HMCN2: variants seen among roughly 807,000 people sequenced by gnomAD.
HMCN2 encodes hemicentin-2.
Under a neutral mutation model 377.5 loss-of-function variants are expected in HMCN2, and 325 were observed. That is an observed-to-expected ratio of 0.86 (90% CI 0.79 to 0.94). The LOEUF is 0.94. Ranked by LOEUF, HMCN2 falls within the 40% of genes least tolerant of loss-of-function variation. The pLI is 0.00. For synonymous variants in HMCN2, 2,007 were observed against 2,046.8 expected, an observed-to-expected ratio of 0.98 and a Z score of 0.53; for missense variants, 4,543 against 4,725.3, an observed-to-expected ratio of 0.96 and a Z score of 1.13.
At chr9:130,367,585 G>C (rs555788214) in intron 43 of HMCN2, among the ~76,000 whole-genome samples, 1 of 152,204 alleles carries the variant, frequency 6.6e-6, no homozygotes, top group South Asian at 2.1e-4. Context: ...TAAGTGGATG[G>C]TCGTTCCTTC....
intron 22 of HMCN2, among the ~76,000 whole-genome samples, 181 bp downstream of exon 22, chr9:130,327,656 A>G (rs1301454510): frequency 1.3e-5 from 2 of 152,196 alleles, no homozygotes; most frequent in Non-Finnish European, 2.9e-5. Flanking sequence ...AGGGGCCTCT[A>G]GAGGGTGCCT....
Position 130,369,170 on chromosome 9 carries a change from C to T in HMCN2, c.6788-400C>T, listed in dbSNP as rs1022557059. Among the ~76,000 whole-genome samples, 3 of 152,150 alleles carry T rather than the reference C, an allele frequency of 2.0e-5. No homozygotes were observed. Among genetic ancestry groups the T allele is most frequent in the African/African-American group, 7.2e-5 (3 of 41,414 alleles). On this transcript the variant is annotated intron_variant, in intron 44 of 97. Transcript: ENST00000683500. This position sits in a 1 kb window ranked among gnomAD's most constrained non-coding sequence, Gnocchi z 4.5. Reference sequence around the variant, plus strand: ...GGTCCTGCAGTGATGAAATGAAATCCCCCAGCCTGGTAAAAATCCTGCTAG... The same window carrying T: ...GGTCCTGCAGTGATGAAATGAAATCTCCCAGCCTGGTAAAAATCCTGCTAG...
At chr9:130,415,258 G>C (rs1843626096) in intron 85 of HMCN2, among the ~76,000 whole-genome samples, 1 of 152,180 alleles carries the variant, frequency 6.6e-6, no homozygotes, top group Non-Finnish European at 1.5e-5. Flanking sequence ...CCAGGAACAA[G>C]GAAAAATCTC....
rs111570641 is a variant in HMCN2 at position 130,360,771 on chromosome 9, T to A, written c.5950+167T>A. Among the ~76,000 whole-genome samples the A allele has an allele frequency of 6.7e-6, 1 of 150,198 alleles. No individual in the cohort carries two copies. The highest frequency in any genetic ancestry group is 1.5e-5 in the Non-Finnish European group (1 of 67,558). ...ATCCAACCATCCATCCATCCATCCA[T>A]CCATCCATCCATCCATCCCACCCAT... On this transcript the variant is annotated intron_variant, in intron 38 of 97. Coordinates refer to ENST00000683500, the MANE Select transcript of HMCN2 (RefSeq NM_001291815.2). The surrounding 1 kb of genome is among the most constrained non-coding windows in gnomAD (Gnocchi z 4.7).
At chr9:130,297,470 G>T (rs1206782221) in intron 7 of HMCN2, among the ~76,000 whole-genome samples, 1 of 152,222 alleles carries the variant, frequency 6.6e-6, no homozygotes, top group Non-Finnish European at 1.5e-5. Flanking sequence ...AATACCATCT[G>T]GTGGCCAGAT....
chr9:130,385,952 C>G (rs1443249484), intron 60 of HMCN2, among the ~76,000 whole-genome samples, 190 bp downstream of exon 60: 1 of 152,202 alleles, frequency 6.6e-6, no homozygotes, highest in Non-Finnish European at 1.5e-5. Context: ...TCTGGAGTCA[C>G]GTTCCAGACC....
intron 82 of HMCN2, 112 bp downstream of exon 82, chr9:130,406,280 C>A: frequency 1.1e-6 from 1 of 950,798 alleles, no homozygotes; most frequent in Non-Finnish European, 1.5e-6. Flanking sequence ...TGTCAGCCAG[C>A]CCTGTTGGTT....
chr9:130,420,180 T>A (rs1310377662), intron 86 of HMCN2, among the ~76,000 whole-genome samples: 1 of 147,506 alleles, frequency 6.8e-6, no homozygotes, highest in Non-Finnish European at 1.5e-5. Flanking sequence ...GTTCACACCA[T>A]TCTCCTGCCT....
chr9:130,394,695 G>T lies in HMCN2; in HGVS notation c.10692+120G>T. ...GGCTGAAGCACCTCCTCTGTGTGGG[G>T]TGTGAGGGTGTGGAGGTGACCCACC... On this transcript the variant is annotated intron_variant, in intron 69 of 97. Coordinates refer to ENST00000683500, the MANE Select transcript of HMCN2 (RefSeq NM_001291815.2). This position sits in a 1 kb window ranked among gnomAD's most constrained non-coding sequence, Gnocchi z 5.1. 1 of 803,472 alleles carries T rather than the reference G, an allele frequency of 1.2e-6. No homozygotes were observed. The highest frequency in any genetic ancestry group is 1.7e-5 in the South Asian group (1 of 58,774). The allele number at this position is 803,472 out of a possible 1,614,324, so 49.8% of individuals were successfully genotyped here. A position where few individuals can be genotyped will look rare whatever the true frequency, so the allele number is the denominator to read the frequency against.
rs145118684 is a variant in HMCN2 at position 130,293,515 on chromosome 9, C to G, written c.613-1340C>G. Among the ~76,000 whole-genome samples, 26 of 152,146 alleles carry G rather than the reference C, an allele frequency of 1.7e-4. No homozygotes were observed. The East Asian group carries it at 3.9e-3, about 23-fold the overall frequency. On this transcript the variant is annotated intron_variant, in intron 4 of 97. Transcript: ENST00000683500. ...ACTTGAAGGGGCTCCCTTCCTCTCC[C>G]TCTGTCTTGGTTTCCTTGCTGGAAT...
chr9:130,336,596 G>T (rs1253743611), intron 22 of HMCN2, among the ~76,000 whole-genome samples: 2 of 152,094 alleles, frequency 1.3e-5, no homozygotes, highest in Non-Finnish European at 2.9e-5. Flanking sequence ...CCAGCCCAGT[G>T]CCTGGGCTCT....
intron 85 of HMCN2, among the ~76,000 whole-genome samples, chr9:130,411,143 A>C (rs1934619866): frequency 6.6e-6 from 1 of 152,158 alleles, no homozygotes; most frequent in South Asian, 2.1e-4. Context: ...GCCGGCTCCC[A>C]GCCTCCAGCA....
intron 95 of HMCN2, chr9:130,431,147 G>A: frequency 1.7e-6 from 1 of 591,130 alleles, no homozygotes. Flanking sequence ...CTCCTTCTAT[G>A]CCTTGGTGAG....
intron 1 of HMCN2, among the ~76,000 whole-genome samples, chr9:130,270,858 A>G (rs1340331302): frequency 6.7e-6 from 1 of 148,278 alleles, no homozygotes; most frequent in Non-Finnish European, 1.5e-5. Flanking sequence ...AATTACATAC[A>G]TGAGCCACGG....
chr9:130,433,632 C>T lies in HMCN2; in HGVS notation c.15179C>T (p.Ala5060Val), dbSNP rs868822605. The T allele has an allele frequency of 1.3e-6, 2 of 1,521,066 alleles. No homozygotes were observed. The highest frequency in any genetic ancestry group is 2.7e-5 in the East Asian group (1 of 36,764). The allele number at this position is 1,521,066 out of a possible 1,614,324, so 94.2% of individuals were successfully genotyped here. Residue 5060 changes from alanine to valine, a missense_variant, in exon 98 of 98, where the codon GCG becomes GTG. Transcript: ENST00000683500. ...AGLYRLTVRAAAPRHQSVFVL... is the reference protein window; with the variant it reads ...AGLYRLTVRAVAPRHQSVFVL... ...CTCTACCGGCTCACCGTGCGTGCTGCGGCACCGCGCCACCAAAGCGTCTTC... is the reference window on the plus strand; with the variant it reads ...CTCTACCGGCTCACCGTGCGTGCTGTGGCACCGCGCCACCAAAGCGTCTTC...
rs568692982 is a variant in HMCN2, at chr9:130,407,638, G to T, written c.12621G>T (p.Gly4207=). Residue 4207 remains glycine, a synonymous_variant, in exon 83 of 98, where the codon GGG becomes GGT. Transcript: ENST00000683500. ...CCGCTGTCTCCAGAGAAGACAGCGG[G>T]ACCTATGTCTGCTGGGCGGAGAACA... The part of the protein sequence containing the change: ...QRAAVSREDS[G]TYVCWAENRV... 1.6e-6 allele frequency: 2 copies of T among 1,285,738 alleles called. No homozygotes were observed. Among genetic ancestry groups the T allele is most frequent in the Non-Finnish European group, 2.0e-6 (2 of 986,272 alleles). 79.6% of individuals were successfully genotyped at this position (1,285,738 alleles called of 1,614,324 possible). A position where few individuals can be genotyped will look rare whatever the true frequency, so the allele number is the denominator to read the frequency against.
chr9:130,275,092 C>T (rs1834615671), intron 1 of HMCN2, among the ~76,000 whole-genome samples: 1 of 152,174 alleles, frequency 6.6e-6, no homozygotes, highest in South Asian at 2.1e-4. Flanking sequence ...ACTGTGTTTC[C>T]CCACACCGCC....
intron 15 of HMCN2, among the ~76,000 whole-genome samples, chr9:130,317,095 A>G (rs1450042264): frequency 1.4e-5 from 2 of 144,872 alleles, no homozygotes; most frequent in African/African-American, 5.2e-5. Flanking sequence ...GGAGGGGGTG[A>G]GTGCAGCTCT....
intron 11 of HMCN2, among the ~76,000 whole-genome samples, chr9:130,305,891 C>T (rs546214190): frequency 3.9e-5 from 6 of 152,248 alleles, no homozygotes; most frequent in South Asian, 4.1e-4. Context: ...CACAGGGCTC[C>T]GGGTTGGGAT....
Sources: allele counts gnomAD v4.1 joint callset (sites outside exome capture counted in the v4.1 genomes callset), GRCh38; gene constraint gnomAD v4.1.1; non-coding constraint Gnocchi (gnomAD v3.1); transcripts MANE v1.5; gene names NCBI Gene and HGNC (gene_info 2026-07-23, HGNC 2026-07-21).